Variants in BBS9 observed in about 807,000 individuals in gnomAD.
BBS9 encodes protein PTHB1.
Under a neutral mutation model 117.7 loss-of-function variants are expected in BBS9, and 89 were observed. The ratio of observed to expected loss-of-function variants is 0.76; its 90% CI spans 0.64 to 0.90. The LOEUF (loss-of-function observed/expected upper bound fraction) is 0.90. Among genes scored for constraint, BBS9 ranks in the 40% least tolerant of loss-of-function variants. The pLI, the probability that BBS9 is intolerant of heterozygous loss-of-function variation, is 0.00. For missense variants in BBS9, 982 were observed against 1,042.2 expected, an observed-to-expected ratio of 0.94 and a Z score of 0.80; for synonymous variants, 379 against 370.9, an observed-to-expected ratio of 1.02 and a Z score of -0.25.
At chr7:33,349,378 C>A (rs781061074) in intron 13 of BBS9, 5 of 584,096 alleles carry the variant, frequency 8.6e-6, no homozygotes, top group African/African-American at 1.8e-5. Flanking sequence ...TAATCTTTTA[C>A]GATTACAGAT....
At chr7:33,297,761 A>G (rs1805572032) in intron 9 of BBS9, among the ~76,000 whole-genome samples, 1 of 152,202 alleles carries the variant, frequency 6.6e-6, no homozygotes. Flanking sequence ...AGGTTGGTCA[A>G]TAATACATTC....
intron 17 of BBS9, among the ~76,000 whole-genome samples, chr7:33,370,952 A>G (rs1226138689): frequency 6.6e-6 from 1 of 152,236 alleles, no homozygotes; most frequent in Non-Finnish European, 1.5e-5. Flanking sequence ...TCAAGAAATC[A>G]GAAAGAGAAA....
intron 19 of BBS9, among the ~76,000 whole-genome samples, chr7:33,413,799 A>G (rs1831532747): frequency 6.6e-6 from 1 of 152,192 alleles, no homozygotes; most frequent in Non-Finnish European, 1.5e-5. Context: ...AGGCAGGCAG[A>G]TCACCTGAGG....
intron 5 of BBS9, among the ~76,000 whole-genome samples, chr7:33,237,493 G>C (rs76657288): frequency 0.037 from 5,700 of 152,208 alleles, 189 homozygotes; most frequent in African/African-American, 0.087. Context: ...CTCTTGATCT[G>C]TCTGTGACAT....
chr7:33,562,976 A>C (rs776549551), intron 21 of BBS9, among the ~76,000 whole-genome samples: 1 of 152,214 alleles, frequency 6.6e-6, no homozygotes, highest in Non-Finnish European at 1.5e-5. Context: ...TATTTTTACA[A>C]AACCAAGAAA....
chr7:33,369,632 G>A (rs1417256300), intron 17 of BBS9, among the ~76,000 whole-genome samples: 1 of 152,152 alleles, frequency 6.6e-6, no homozygotes, highest in East Asian at 1.9e-4. Context: ...TTTGGCTACA[G>A]TGACACACAG....
At chr7:33,334,047 C>T (rs1188826492) in intron 9 of BBS9, among the ~76,000 whole-genome samples, 1 of 152,144 alleles carries the variant, frequency 6.6e-6, no homozygotes, top group Non-Finnish European at 1.5e-5. Context: ...ACCACTTGAA[C>T]ACGTGAAATA....
chr7:33,343,519 G>C (rs934379342), intron 11 of BBS9, among the ~76,000 whole-genome samples: 1 of 150,650 alleles, frequency 6.6e-6, no homozygotes, highest in Non-Finnish European at 1.5e-5. Context: ...TTATTTTTGA[G>C]ACAGAGTCTC....
intron 19 of BBS9, among the ~76,000 whole-genome samples, chr7:33,434,278 TAA>T (rs36043262): frequency 3.8e-5 from 5 of 132,670 alleles, no homozygotes; most frequent in East Asian, 4.2e-4. Context: ...TCCTGTTTGC[TAA>T]AAAAAAAAAA....
At chr7:33,345,596 A>G (rs1275684357) in intron 12 of BBS9, among the ~76,000 whole-genome samples, 1 of 152,176 alleles carries the variant, frequency 6.6e-6, no homozygotes, top group African/African-American at 2.4e-5. Flanking sequence ...GATTCTTGCC[A>G]CTGGAAACAA....
intron 21 of BBS9, among the ~76,000 whole-genome samples, chr7:33,574,963 C>T (rs895751793): frequency 8.6e-5 from 13 of 151,928 alleles, no homozygotes; most frequent in African/African-American, 1.2e-4. Context: ...TTCTTGCTTA[C>T]GATTAATTAA....
At chr7:33,388,865 T>G (rs1415351364) in intron 19 of BBS9, among the ~76,000 whole-genome samples, 2 of 152,242 alleles carry the variant, frequency 1.3e-5, no homozygotes, top group East Asian at 3.8e-4. Flanking sequence ...GACTATATTG[T>G]GTATTCCTAT....
chr7:33,374,552 G>A (rs537086810), intron 17 of BBS9, among the ~76,000 whole-genome samples: 10 of 152,204 alleles, frequency 6.6e-5, no homozygotes, highest in South Asian at 2.1e-4. Flanking sequence ...AAAAGTAAGC[G>A]TTGAGAAACA....
chr7:33,171,165 A>G (rs1313125894), intron 4 of BBS9, among the ~76,000 whole-genome samples: 1 of 152,204 alleles, frequency 6.6e-6, no homozygotes, highest in Non-Finnish European at 1.5e-5. Context: ...AAGCCAGAAG[A>G]ACAAAGCTGG....
chr7:33,537,627 G>A (rs987209620), intron 21 of BBS9, among the ~76,000 whole-genome samples: 4 of 152,172 alleles, frequency 2.6e-5, no homozygotes, highest in Admixed American at 2.0e-4. Flanking sequence ...CCTGATTAGT[G>A]TTTTTTAAAA....
chr7:33,203,519 C>T (rs750539633), intron 5 of BBS9, among the ~76,000 whole-genome samples: 8 of 152,098 alleles, frequency 5.3e-5, no homozygotes, highest in Non-Finnish European at 1.2e-4. Flanking sequence ...TGAGGCCTCA[C>T]TTCCAGAAAT....
At chr7:33,187,785 G>A (rs1283940587) in intron 5 of BBS9, among the ~76,000 whole-genome samples, 18 of 152,020 alleles carry the variant, frequency 1.2e-4, no homozygotes, top group Admixed American at 1.2e-3. Context: ...GCTGGGCACG[G>A]TGGTGGGTGC....
chr7:33,189,468 A>G (rs1296106521), intron 5 of BBS9, among the ~76,000 whole-genome samples: 1 of 152,154 alleles, frequency 6.6e-6, no homozygotes, highest in Non-Finnish European at 1.5e-5. Flanking sequence ...GAAAAAGCCT[A>G]TTTAATACTT....
chr7:33,173,441 C>T (rs867410572), intron 4 of BBS9, among the ~76,000 whole-genome samples: 3 of 151,590 alleles, frequency 2.0e-5, no homozygotes, highest in African/African-American at 2.4e-5. Flanking sequence ...ATCAGCTGGG[C>T]GTGGTGGCAG....
Sources: allele counts gnomAD v4.1 joint callset (sites outside exome capture counted in the v4.1 genomes callset), GRCh38; gene constraint gnomAD v4.1.1; transcripts MANE v1.5; gene names NCBI Gene and HGNC (gene_info 2026-07-23, HGNC 2026-07-21).